Variants in LRRK2 observed in about 807,000 individuals in gnomAD.
LRRK2 encodes leucine-rich repeat serine/threonine-protein kinase 2.
LRRK2 carries 203 observed loss-of-function variants against 302.6 expected under a neutral mutation model. The observed-to-expected ratio is 0.67, with a 90% CI of 0.60 to 0.75. The LOEUF is 0.75. LRRK2 is among the 30% of genes least tolerant of loss of function. LRRK2 has a pLI of 0.00. For missense variants in LRRK2, 2,830 were observed against 2,951.0 expected, an observed-to-expected ratio of 0.96 and a Z score of 0.95; for synonymous variants, 1,066 against 1,031.9, an observed-to-expected ratio of 1.03 and a Z score of -0.63.
intron 41 of LRRK2, among the ~76,000 whole-genome samples, chr12:40,342,599 A>G (rs1946078759): frequency 6.6e-6 from 1 of 151,442 alleles, no homozygotes; most frequent in South Asian, 2.1e-4. Context: ...AATAACAATA[A>G]CTCCCACTCC....
intron 41 of LRRK2, 36 bp downstream of exon 41, chr12:40,340,490 A>T: frequency 1.2e-6 from 2 of 1,609,550 alleles, no homozygotes; most frequent in Non-Finnish European, 1.7e-6. Flanking sequence ...TTCTATCTTC[A>T]GGATGGATAA....
At position 40,359,284 on chromosome 12, in the gene LRRK2, A is replaced by T. The variant is rs748637945; in HGVS notation, c.6868A>T (p.Ile2290Leu). Residue 2290 changes from isoleucine (I) to leucine (L), a missense_variant, in exon 47 of 51, where the codon ATA (isoleucine) becomes TTA (leucine). Coordinates refer to ENST00000298910, the MANE Select transcript of LRRK2 (RefSeq NM_198578.4). ...VKLKGAAPLK[I>L]LNIGNVSTPL... ...GCTTAAAGGAGCTGCTCCTTTGAAG[A>T]TACTAAATATAGGAAATGTCAGTAC... 1.9e-6 allele frequency: 3 copies of T among 1,612,486 alleles called. No individual in the cohort carries two copies. The highest frequency in any genetic ancestry group is 2.5e-6 in the Non-Finnish European group (3 of 1,179,330).
rs192492717 is a variant in LRRK2, at chr12:40,344,745, G to T, written c.6110-2008G>T. Among the ~76,000 whole-genome samples the T allele has an allele frequency of 3.3e-5, 5 of 152,094 alleles. No individual in the cohort carries two copies. The East Asian group carries it at 7.7e-4, about 23-fold the overall frequency. On this transcript the variant is annotated intron_variant, in intron 41 of 50. Coordinates refer to ENST00000298910, the MANE Select transcript of LRRK2 (RefSeq NM_198578.4). ...CACAATTCTTTAACTTAGATTTTGAGAATTATATTATGGTTATATAGGAAA... is the reference window on the plus strand; with the variant it reads ...CACAATTCTTTAACTTAGATTTTGATAATTATATTATGGTTATATAGGAAA...
rs1314161865 is a variant in LRRK2 at position 40,322,637 on chromosome 12, G to A, written c.5509+127G>A. ...GAAAAATAGTATATTCAATTATAGGGACAGTTCAGAAAACTGAATTATATT... is the reference window on the plus strand; with the variant it reads ...GAAAAATAGTATATTCAATTATAGGAACAGTTCAGAAAACTGAATTATATT... On this transcript the variant is annotated intron_variant, in intron 37 of 50. Coordinates refer to ENST00000298910, the MANE Select transcript of LRRK2 (RefSeq NM_198578.4). 8.8e-6 allele frequency: 7 copies of A among 791,092 alleles called. No individual in the cohort carries two copies. The East Asian group carries it at 1.9e-4, about 22-fold the overall frequency. 49.0% of individuals were successfully genotyped at this position (791,092 alleles called of 1,614,324 possible). A position where few individuals can be genotyped will look rare whatever the true frequency, so the allele number is the denominator to read the frequency against.
At chr12:40,341,328 G>A (rs149403706) in intron 41 of LRRK2, among the ~76,000 whole-genome samples, 1 of 152,272 alleles carries the variant, frequency 6.6e-6, no homozygotes, top group African/African-American at 2.4e-5. Flanking sequence ...TATGCTACAG[G>A]ATATCTCACT....
chr12:40,326,716 A>T (rs530237787), intron 38 of LRRK2, among the ~76,000 whole-genome samples: 1 of 152,034 alleles, frequency 6.6e-6, no homozygotes, highest in South Asian at 2.1e-4. Flanking sequence ...TGTTTACCCG[A>T]TTCTATTTCT....
intron 25 of LRRK2, 124 bp downstream of exon 25, chr12:40,299,381 A>T: frequency 1.8e-6 from 2 of 1,097,846 alleles, no homozygotes; most frequent in South Asian, 2.7e-5. Context: ...TGCTGGATTT[A>T]AAAAATAAAA....
In LRRK2 at chr12:40,307,781, C is replaced by CTTT. The variant is rs201473630; in HGVS notation, c.3960-671_3960-669dup. ...TAGGGTTTTTCTTTTCTTTTCTTTT[C>CTTT]TTTTTTTTTTTTTTTTTGAGACTGA... On this transcript the variant is annotated intron_variant, in intron 28 of 50. Transcript: ENST00000298910. Among the ~76,000 whole-genome samples, 54 of 119,368 alleles carry CTTT rather than the reference C, an allele frequency of 4.5e-4. 1 individual carries two copies. Among genetic ancestry groups the CTTT allele is most frequent in the South Asian group, 3.5e-3 (13 of 3,726 alleles). The allele number at this position is 119,368 out of a possible 152,430, so 78.3% of individuals were successfully genotyped here.
chr12:40,231,838 C>G (rs1194243208), intron 2 of LRRK2, among the ~76,000 whole-genome samples: 2 of 149,376 alleles, frequency 1.3e-5, no homozygotes, highest in Non-Finnish European at 3.0e-5. Context: ...GATTCTTGCT[C>G]TGTCATCCAG....
chr12:40,225,066 C>T lies in LRRK2; in HGVS notation c.-66C>T, dbSNP rs1940795152. ...CCCCCGGGGAGCTGTGGCCGGCGCC[C>T]CTGCCGGTTCCCTGAGCAGCGGACG... On this transcript the variant is annotated 5_prime_UTR_variant, in exon 1 of 51. Coordinates refer to ENST00000298910, the MANE Select transcript of LRRK2 (RefSeq NM_198578.4). 1 of 1,604,174 alleles carries T rather than the reference C, an allele frequency of 6.2e-7. No homozygotes were observed. Among genetic ancestry groups the T allele is most frequent in the Non-Finnish European group, 8.5e-7 (1 of 1,175,346 alleles).
chr12:40,366,859 A>G (rs1314447666), intron 49 of LRRK2, 147 bp from the exon 50 acceptor site: 7 of 607,318 alleles, frequency 1.2e-5, no homozygotes, highest in Non-Finnish European at 3.0e-6. Context: ...TCTTTATTCA[A>G]TATAATTGAA....
At chr12:40,341,903 T>C (rs2136959288) in intron 41 of LRRK2, among the ~76,000 whole-genome samples, 1 of 152,322 alleles carries the variant, frequency 6.6e-6, no homozygotes, top group Non-Finnish European at 1.5e-5. Context: ...GCAAATATTG[T>C]CAATGAGAGG....
chr12:40,298,564 T>C, intron 24 of LRRK2, 71 bp downstream of exon 24: 1 of 1,567,780 alleles, frequency 6.4e-7, no homozygotes, highest in Non-Finnish European at 8.8e-7. Context: ...TGCTGACATT[T>C]TTATAGCAAT....
intron 10 of LRRK2, among the ~76,000 whole-genome samples, chr12:40,251,970 A>T (rs2708444): frequency 0.97 from 147,682 of 152,278 alleles, 71,768 homozygotes; most frequent in Middle Eastern, 1. Flanking sequence ...TGAGTTCCCA[A>T]CTGATGTGAC....
intron 41 of LRRK2, among the ~76,000 whole-genome samples, chr12:40,344,871 T>C (rs925840773): frequency 6.6e-6 from 1 of 151,990 alleles, no homozygotes. Flanking sequence ...GATAATTATA[T>C]GTAATTATAT....
intron 20 of LRRK2, among the ~76,000 whole-genome samples, chr12:40,289,601 A>G (rs577389906): frequency 1.3e-5 from 2 of 150,280 alleles, no homozygotes; most frequent in Non-Finnish European, 3.0e-5. Flanking sequence ...TAATATATTA[A>G]TAATGAGTCT....
At position 40,322,025 on chromosome 12, in the gene LRRK2, C is replaced by T. The variant is rs1207120333; in HGVS notation, c.5171-10C>T. On this transcript the variant is annotated splice_polypyrimidine_tract_variant and intron_variant, in intron 35 of 50. Coordinates refer to ENST00000298910, the MANE Select transcript of LRRK2 (RefSeq NM_198578.4). ...GGAAGCAGTTAATAATTAATGGCTC[C>T]ATTTTTTAGAACGAGCACTTCGCCC... 1.2e-6 allele frequency: 2 copies of T among 1,612,704 alleles called. No individual in the cohort carries two copies. The highest frequency in any genetic ancestry group is 1.7e-6 in the Non-Finnish European group (2 of 1,179,252).
chr12:40,273,242 C>A (rs1943311478), intron 14 of LRRK2, among the ~76,000 whole-genome samples: 1 of 152,152 alleles, frequency 6.6e-6, no homozygotes, highest in East Asian at 1.9e-4. Context: ...ATTGTTACTT[C>A]ATTCATTTAA....
chr12:40,318,058 C>T (rs564218907), intron 33 of LRRK2, among the ~76,000 whole-genome samples: 2 of 152,116 alleles, frequency 1.3e-5, no homozygotes, highest in African/African-American at 4.8e-5. Flanking sequence ...TGGGCTTCCT[C>T]GTGGCACGGT....
Sources: gnomAD v4.1 joint callset for allele counts (sites outside exome capture counted in the v4.1 genomes callset) on GRCh38, gnomAD v4.1.1 for gene constraint, MANE v1.5 for transcripts, NCBI Gene and HGNC (gene_info 2026-07-23, HGNC 2026-07-21) for gene names.